Variants in CAMTA2 observed in about 807,000 individuals in gnomAD.
CAMTA2 encodes calmodulin binding transcription activator 2.
Under a neutral mutation model 135.7 loss-of-function variants are expected in CAMTA2, and 56 were observed. The observed-to-expected ratio is 0.41, with a 90% CI of 0.33 to 0.52. The LOEUF (loss-of-function observed/expected upper bound fraction) is 0.52, where lower values mean the gene tolerates loss of function less well. Ranked by LOEUF, CAMTA2 falls within the 20% of genes least tolerant of loss-of-function variation. The pLI is 0.16. For missense variants in CAMTA2, 1,358 were observed against 1,553.4 expected, an observed-to-expected ratio of 0.87 and a Z score of 2.11; for synonymous variants, 591 against 604.6, an observed-to-expected ratio of 0.98 and a Z score of 0.33.
intron 3 of CAMTA2, 40 bp downstream of exon 3, chr17:4,985,840 A>T: frequency 7.7e-7 from 1 of 1,300,748 alleles, no homozygotes; most frequent in Non-Finnish European, 1.1e-6. Flanking sequence ...CCAGCCTACT[A>T]GGTCTTGCTG....
chr17:4,986,711 G>A, intron 1 of CAMTA2: 1 of 553,882 alleles, frequency 1.8e-6, no homozygotes, highest in Non-Finnish European at 3.2e-6. Flanking sequence ...TCCGGTAGAA[G>A]CTAGGCCTTT....
chr17:4,982,734 A>G (rs749043166), intron 5 of CAMTA2, 23 bp downstream of exon 5: 59 of 1,613,260 alleles, frequency 3.7e-5, no homozygotes, highest in South Asian at 2.2e-4. Flanking sequence ...CGGGAAGATG[A>G]GCTGAATATC....
Position 4,973,220 on chromosome 17 carries a change from C to G in CAMTA2, c.2235G>C (p.Gln745His). 6.2e-7 allele frequency: 1 copy of G among 1,614,128 alleles called. No homozygotes were observed. Among genetic ancestry groups the G allele is most frequent in the Non-Finnish European group, 8.5e-7 (1 of 1,179,982 alleles). The change falls in exon 14 of 23, where the codon CAG (glutamine) becomes CAC (histidine). Residue 745 changes from glutamine to histidine, a missense_variant. Physicochemically the swap from Gln to His is conservative, Grantham distance 24 (BLOSUM62 0). Around this residue, in one of 4 missense-constraint regions of CAMTA2, gnomAD observed 1,077 missense variants for 1,127.5 expected, o/e 0.96. Transcript: ENST00000348066. ...SVETGSLDLE[Q>H]EVDPLNVDHF... is the part of the protein sequence containing the mutation. ...GATCCACGTTGAGCGGGTCAACCTC[C>G]TGCTCTAAGTCCAAGCTTCCAGTCT...
chr17:4,969,445 C>T lies in CAMTA2; in HGVS notation c.3282+55G>A. Reference sequence around the variant, plus strand: ...TGCAAGACTCTCTGTAACCCACACACTCAAGGAAAGACTGAATCATCACAG... The same window carrying T: ...TGCAAGACTCTCTGTAACCCACACATTCAAGGAAAGACTGAATCATCACAG... On this transcript the variant is annotated intron_variant, in intron 20 of 22. Transcript: ENST00000348066. This position sits in a 1 kb window ranked among gnomAD's most constrained non-coding sequence, Gnocchi z 5.6. The T allele has an allele frequency of 6.2e-7, 1 of 1,611,754 alleles. No homozygotes were observed. The highest frequency in any genetic ancestry group is 8.5e-7 in the Non-Finnish European group (1 of 1,177,858).
chr17:4,986,119 A>C, intron 2 of CAMTA2, 73 bp downstream of exon 2: 4 of 1,129,302 alleles, frequency 3.5e-6, no homozygotes, highest in African/African-American at 1.5e-5. Flanking sequence ...AAAATCCAAG[A>C]ATTAGAGGGC....
At chr17:4,982,020 C>T in intron 6 of CAMTA2, 69 bp downstream of exon 6, 2 of 1,371,218 alleles carry the variant, frequency 1.5e-6, no homozygotes, top group Non-Finnish European at 2.1e-6. Flanking sequence ...CCTTTCACTT[C>T]CTTCTTTCAG....
rs5819002 is a variant in CAMTA2, at chr17:4,979,508, CAAAAA to C, written c.1638+171_1638+175del. ...CTGGGCAACAAGAGCGAAACTGTCT[CAAAAA>C]AAAAAAAAAAAAAAAAGAGAGAGAT... On this transcript the variant is annotated intron_variant, in intron 9 of 22. Transcript: ENST00000348066. 7.6e-3 allele frequency: 1,560 copies of C among 205,874 alleles called. 14 individuals carry two copies. Among genetic ancestry groups the C allele is most frequent in the African/African-American group, 0.042 (1,034 of 24,832 alleles). 12.8% of individuals were successfully genotyped at this position (205,874 alleles called of 1,614,324 possible).
At position 4,980,236 on chromosome 17, in the gene CAMTA2, A is replaced by G; in HGVS notation, c.1086T>C (p.Thr362=). Residue 362 remains threonine, a synonymous_variant, in exon 9 of 23, where the codon ACT becomes ACC. Coordinates refer to ENST00000348066, the MANE Select transcript of CAMTA2 (RefSeq NM_015099.4). This position sits in a 1 kb window ranked among gnomAD's most constrained non-coding sequence, Gnocchi z 5.3. ...PSMSLAVVVG[T]EPSAPPAPPS... ...GAGGAGCTGGTGGGGCAGAAGGCTCAGTGCCTACAACCACTGCCAAACTCA... is the reference window on the plus strand; with the variant it reads ...GAGGAGCTGGTGGGGCAGAAGGCTCGGTGCCTACAACCACTGCCAAACTCA... The G allele has an allele frequency of 6.3e-7, 1 of 1,580,548 alleles. No homozygotes were observed.
chr17:4,972,144 G>T, intron 16 of CAMTA2, 88 bp downstream of exon 16: 1 of 1,182,570 alleles, frequency 8.5e-7, no homozygotes. Flanking sequence ...CTAAACTGAA[G>T]CCAGACTTTG....
At chr17:4,979,524 AAAAAAG>A in intron 9 of CAMTA2, 154 bp downstream of exon 9, 1 of 462,792 alleles carries the variant, frequency 2.2e-6, no homozygotes, top group Non-Finnish European at 3.8e-6. Flanking sequence ...AAAAAAAAAA[AAAAAAG>A]AGAGAGATTA....
chr17:4,985,134 C>T (rs1311391725), intron 3 of CAMTA2, among the ~76,000 whole-genome samples: 1 of 152,054 alleles, frequency 6.6e-6, no homozygotes, highest in African/African-American at 2.4e-5. Flanking sequence ...TGCAGTGAGC[C>T]AAGATCGCGC....
Position 4,968,834 on chromosome 17 carries a change from A to C in CAMTA2, c.3546-15T>G, listed in dbSNP as rs1219293075. On this transcript the variant is annotated splice_polypyrimidine_tract_variant and intron_variant, in intron 22 of 22. Coordinates refer to ENST00000348066, the MANE Select transcript of CAMTA2 (RefSeq NM_015099.4). Reference sequence around the variant, plus strand: ...GTTCCCTCATCCTGCAGAGAGAAAGATAGGAGTCAGAGGAGACTGGCGGAT... The same window carrying C: ...GTTCCCTCATCCTGCAGAGAGAAAGCTAGGAGTCAGAGGAGACTGGCGGAT... 1.2e-6 allele frequency: 2 copies of C among 1,613,624 alleles called. No individual in the cohort carries two copies. The highest frequency in any genetic ancestry group is 2.7e-5 in the African/African-American group (2 of 75,026).
At chr17:4,972,700 C>T in intron 15 of CAMTA2, 69 bp downstream of exon 15, 1 of 1,507,348 alleles carries the variant, frequency 6.6e-7, no homozygotes, top group Non-Finnish European at 9.2e-7. Context: ...TTTCCCACAC[C>T]CTTTGGCTTT....
At position 4,972,882 on chromosome 17, in the gene CAMTA2, G is replaced by A. The variant is rs1221754371; in HGVS notation, c.2390C>T (p.Ala797Val). ...AAGGCGCACATGACCCCGGGAATGAGCCACAGACAATGGCAGACGGCCCAG... is the reference window on the plus strand; with the variant it reads ...AAGGCGCACATGACCCCGGGAATGAACCACAGACAATGGCAGACGGCCCAG... ...DSLGRLPLSV[A>V]HSRGHVRLAR... The change falls in exon 15 of 23, where the codon GCT becomes GTT. Residue 797 changes from alanine (A) to valine (V), a missense_variant. Ala to Val is a moderately conservative substitution (Grantham distance 64). Coordinates refer to ENST00000348066, the MANE Select transcript of CAMTA2 (RefSeq NM_015099.4). 2.5e-6 allele frequency: 4 copies of A among 1,613,866 alleles called. No individual in the cohort carries two copies.
chr17:4,974,546 T>C (rs1276794301), intron 11 of CAMTA2, 46 bp from the exon 12 acceptor site: 2 of 1,164,760 alleles, frequency 1.7e-6, no homozygotes, highest in Non-Finnish European at 2.6e-6. Context: ...GTCTAGGTGA[T>C]GCCCTGAACA....
chr17:4,978,690 C>T (rs574604555), intron 9 of CAMTA2, 60 bp from the exon 10 acceptor site: 4 of 1,579,704 alleles, frequency 2.5e-6, no homozygotes, highest in East Asian at 4.5e-5. Flanking sequence ...CTCACTCATT[C>T]ATTTATTCAG....
At chr17:4,987,042 C>T in intron 1 of CAMTA2, 6 of 1,415,294 alleles carry the variant, frequency 4.2e-6, no homozygotes, top group Middle Eastern at 1.8e-4. Context: ...ACGGGCTCCG[C>T]CAGGTGTCCA....
At chr17:4,987,415 G>T in intron 1 of CAMTA2, 178 bp downstream of exon 1, 3 of 1,375,846 alleles carry the variant, frequency 2.2e-6, no homozygotes, top group East Asian at 6.0e-5. Flanking sequence ...CTGGTCCGCC[G>T]TGGGGCCCTG....
Position 4,980,723 on chromosome 17 carries a change from A to C in CAMTA2, c.701-102T>G. 1 of 879,934 alleles carries C rather than the reference A, an allele frequency of 1.1e-6. No individual in the cohort carries two copies. Among genetic ancestry groups the C allele is most frequent in the Non-Finnish European group, 1.9e-6 (1 of 539,992 alleles). 54.5% of individuals were successfully genotyped at this position (879,934 alleles called of 1,614,324 possible). A position where few individuals can be genotyped will look rare whatever the true frequency, so the allele number is the denominator to read the frequency against. ...AGTATTTCCTGGGACGTCCCTATAAACCAGAGGTGTAATACTGATTGTAGC... is the reference window on the plus strand; with the variant it reads ...AGTATTTCCTGGGACGTCCCTATAACCCAGAGGTGTAATACTGATTGTAGC... On this transcript the variant is annotated intron_variant, in intron 8 of 22. Coordinates refer to ENST00000348066, the MANE Select transcript of CAMTA2 (RefSeq NM_015099.4). This position sits in a 1 kb window ranked among gnomAD's most constrained non-coding sequence, Gnocchi z 5.3.
Sources: gnomAD v4.1 joint callset for allele counts (sites outside exome capture counted in the v4.1 genomes callset) on GRCh38, gnomAD v4.1.1 for gene constraint, gnomAD v4.1.1 regional missense constraint, Gnocchi (gnomAD v3.1) non-coding constraint, MANE v1.5 for transcripts, NCBI Gene and HGNC (gene_info 2026-07-23, HGNC 2026-07-21) for gene names.